PTPRR: variants seen among roughly 807,000 people sequenced by gnomAD.
The protein encoded by PTPRR is protein tyrosine phosphatase receptor type R.
PTPRR carries 38 observed loss-of-function variants against 77.2 expected under a neutral mutation model. The ratio of observed to expected loss-of-function variants is 0.49; its 90% CI spans 0.38 to 0.65. The LOEUF (loss-of-function observed/expected upper bound fraction) is 0.65, where lower values mean the gene tolerates loss of function less well. PTPRR is among the 30% of genes least tolerant of loss of function. The pLI is 0.00. For missense variants in PTPRR, 744 were observed against 799.2 expected, an observed-to-expected ratio of 0.93 and a Z score of 0.83; for synonymous variants, 299 against 283.1, an observed-to-expected ratio of 1.06 and a Z score of -0.57.
intron 2 of PTPRR, among the ~76,000 whole-genome samples, chr12:70,792,061 C>G (rs1284493719): frequency 6.6e-6 from 1 of 152,158 alleles, no homozygotes; most frequent in Non-Finnish European, 1.5e-5. Context: ...CAAAGTCAGA[C>G]TGGGTCTGAA....
intron 2 of PTPRR, among the ~76,000 whole-genome samples, chr12:70,846,335 G>A (rs1238854965): frequency 6.6e-6 from 1 of 152,178 alleles, no homozygotes; most frequent in African/African-American, 2.4e-5. Context: ...TGTGGCTTAT[G>A]AGCATCTTGG....
intron 2 of PTPRR, among the ~76,000 whole-genome samples, chr12:70,843,937 T>C (rs969224388): frequency 6.6e-6 from 1 of 150,502 alleles, no homozygotes; most frequent in African/African-American, 2.4e-5. Flanking sequence ...TGCCTCAGCC[T>C]CCCGAGTAGC....
At chr12:70,786,442 C>G (rs974961575) in intron 2 of PTPRR, among the ~76,000 whole-genome samples, 2 of 151,996 alleles carry the variant, frequency 1.3e-5, no homozygotes, top group African/African-American at 4.8e-5. Context: ...ATTAAAAGTC[C>G]TTACAGGTCA....
At chr12:70,786,941 G>T (rs180684502) in intron 2 of PTPRR, among the ~76,000 whole-genome samples, 3 of 152,290 alleles carry the variant, frequency 2.0e-5, no homozygotes, top group East Asian at 3.9e-4. Flanking sequence ...GCAGAGTGTG[G>T]AATAAGTTTT....
At chr12:70,829,079 T>A (rs1892165801) in intron 2 of PTPRR, among the ~76,000 whole-genome samples, 2 of 152,116 alleles carry the variant, frequency 1.3e-5, no homozygotes, top group South Asian at 4.1e-4. Context: ...TAGGGAACTA[T>A]GGACACATGA....
chr12:70,783,880 G>GGGGGGGGGGGT (rs1891261055), intron 2 of PTPRR, among the ~76,000 whole-genome samples: 1 of 132,864 alleles, frequency 7.5e-6, no homozygotes, highest in Non-Finnish European at 1.6e-5. Flanking sequence ...GGGGGGCGGG[G>GGGGGGGGGGGT]GGCGGGGGTT....
intron 2 of PTPRR, among the ~76,000 whole-genome samples, 163 bp from the exon 3 acceptor site, chr12:70,764,941 T>C (rs940564592): frequency 5.9e-5 from 9 of 152,212 alleles, no homozygotes; most frequent in African/African-American, 2.2e-4. Context: ...TAATGCTTTA[T>C]TGCATTTTTG....
At chr12:70,761,389 T>A in intron 4 of PTPRR, 82 bp downstream of exon 4, 1 of 1,281,616 alleles carries the variant, frequency 7.8e-7, no homozygotes, top group South Asian at 2.0e-5. Flanking sequence ...ACAACTTCCA[T>A]CTCAAAGCCT....
chr12:70,906,402 GA>G (rs1432423147), intron 1 of PTPRR, among the ~76,000 whole-genome samples: 1 of 151,928 alleles, frequency 6.6e-6, no homozygotes, highest in African/African-American at 2.4e-5. Flanking sequence ...CAGAAGCAGG[GA>G]TTTCCAGAAA....
chr12:70,832,920 G>A (rs1432592344), intron 2 of PTPRR, among the ~76,000 whole-genome samples: 1 of 152,142 alleles, frequency 6.6e-6, no homozygotes, highest in Admixed American at 6.5e-5. Context: ...TGGAGGAGAT[G>A]CCAGGCTCCT....
chr12:70,736,963 C>T (rs946812615), intron 6 of PTPRR, among the ~76,000 whole-genome samples: 4 of 152,190 alleles, frequency 2.6e-5, no homozygotes, highest in African/African-American at 7.2e-5. Context: ...CCACCCAGGT[C>T]GCCTTTCTCC....
chr12:70,760,021 C>T (rs905375002), intron 4 of PTPRR, among the ~76,000 whole-genome samples: 14 of 152,186 alleles, frequency 9.2e-5, no homozygotes, highest in African/African-American at 2.6e-4. Flanking sequence ...CAGAGAGAGG[C>T]GCAAAACCAA....
At chr12:70,653,367 A>G (rs1886463282) in intron 13 of PTPRR, among the ~76,000 whole-genome samples, 1 of 152,196 alleles carries the variant, frequency 6.6e-6, no homozygotes, top group Admixed American at 6.5e-5. Context: ...TAAGGCAGCA[A>G]TTATAAGAGG....
At chr12:70,695,562 A>G (rs918125346) in intron 8 of PTPRR, among the ~76,000 whole-genome samples, 6 of 152,200 alleles carry the variant, frequency 3.9e-5, no homozygotes, top group African/African-American at 1.2e-4. Flanking sequence ...CTGACACAGG[A>G]CTATGAAGCA....
At chr12:70,755,947 T>C (rs943766435) in intron 4 of PTPRR, among the ~76,000 whole-genome samples, 2 of 152,122 alleles carry the variant, frequency 1.3e-5, no homozygotes, top group Admixed American at 1.3e-4. Context: ...AATGAATTTT[T>C]TACAGGCAAC....
At chr12:70,766,147 G>A (rs1021471558) in intron 2 of PTPRR, among the ~76,000 whole-genome samples, 1 of 152,152 alleles carries the variant, frequency 6.6e-6, no homozygotes, top group Non-Finnish European at 1.5e-5. Flanking sequence ...ACCAGCAACG[G>A]AACAAAGCTG....
intron 2 of PTPRR, among the ~76,000 whole-genome samples, chr12:70,806,728 T>C (rs1891716313): frequency 6.6e-6 from 1 of 152,210 alleles, no homozygotes; most frequent in African/African-American, 2.4e-5. Context: ...TTCGGAATCG[T>C]AGTTCCCATT....
chr12:70,770,402 T>G (rs1257585282), intron 2 of PTPRR, among the ~76,000 whole-genome samples: 2 of 151,990 alleles, frequency 1.3e-5, no homozygotes, highest in African/African-American at 4.8e-5. Context: ...AAAAGACACA[T>G]GAAAAAATGC....
chr12:70,760,952 T>C (rs527575038), intron 4 of PTPRR, among the ~76,000 whole-genome samples: 2 of 152,150 alleles, frequency 1.3e-5, no homozygotes, highest in African/African-American at 2.4e-5. Flanking sequence ...TGAAGAAACA[T>C]CTATAGTTCT....
Sources: allele counts gnomAD v4.1 joint callset (sites outside exome capture counted in the v4.1 genomes callset), GRCh38; gene constraint gnomAD v4.1.1; transcripts MANE v1.5; gene names NCBI Gene and HGNC (gene_info 2026-07-23, HGNC 2026-07-21).